Variants in DRC9 observed in about 807,000 individuals in gnomAD.
The protein encoded by DRC9 is dynein regulatory complex subunit 9.
the DRC9 span, chr3:197,951,326 C>T: frequency 2.1e-5 from 34 of 1,613,582 alleles, no homozygotes; most frequent in Admixed American, 1.3e-4. Context: ...GTTTATGACA[C>T]TGGTAGGTTT....
the DRC9 span, chr3:197,938,768 T>C: frequency 6.2e-7 from 1 of 1,607,862 alleles, no homozygotes; most frequent in South Asian, 1.1e-5. Context: ...TCTAGATTCA[T>C]TTCTCTGCTT....
At chr3:197,912,557 A>T in the DRC9 span, 1 of 752,904 alleles carries the variant, frequency 1.3e-6, no homozygotes, top group South Asian at 1.7e-5. Flanking sequence ...ACATGAGCTA[A>T]AGTTCATTAG....
the DRC9 span, among the ~76,000 whole-genome samples, chr3:197,893,145 G>A: frequency 6.6e-6 from 1 of 151,418 alleles, no homozygotes; most frequent in Non-Finnish European, 1.5e-5. Flanking sequence ...ATCACCTGTG[G>A]TCAGGAGTTC....
the DRC9 span, among the ~76,000 whole-genome samples, chr3:197,933,451 C>CA: frequency 2.6e-5 from 4 of 151,302 alleles, no homozygotes; most frequent in Non-Finnish European, 4.4e-5. Context: ...CAAAAAAACA[C>CA]AAAAAACAAA....
At chr3:197,931,471 G>C in the DRC9 span, among the ~76,000 whole-genome samples, 1 of 150,008 alleles carries the variant, frequency 6.7e-6, no homozygotes, top group South Asian at 2.1e-4. Flanking sequence ...GACAGAGCAA[G>C]ACTCCATCTC....
the DRC9 span, chr3:197,913,435 C>T: frequency 5.1e-5 from 14 of 275,594 alleles, no homozygotes; most frequent in Non-Finnish European, 9.1e-5. Flanking sequence ...TTCACCGTGA[C>T]TTCTCATCCT....
the DRC9 span, chr3:197,956,889 CT>C: frequency 6.6e-6 from 1 of 152,072 alleles, no homozygotes; most frequent in Non-Finnish European, 1.5e-5. Context: ...TGTCTGCCCC[CT>C]GAGGGTTACT....
At chr3:197,926,167 G>C in the DRC9 span, 2 of 892,470 alleles carry the variant, frequency 2.2e-6, no homozygotes. Context: ...CGTGCACAAG[G>C]ACCACCCCGC....
the DRC9 span, among the ~76,000 whole-genome samples, chr3:197,921,449 T>C: frequency 1.8e-4 from 2 of 11,150 alleles, no homozygotes; most frequent in Non-Finnish European, 2.9e-4. Context: ...TGGTTTCTTC[T>C]TGGTCGACCC....
the DRC9 span, among the ~76,000 whole-genome samples, chr3:197,915,163 CAAAAA>C: frequency 5.6e-5 from 4 of 71,364 alleles, no homozygotes; most frequent in Non-Finnish European, 6.0e-5. Flanking sequence ...GATTCTGTCT[CAAAAA>C]AAAAAAAAAA....
At chr3:197,951,146 T>C in the DRC9 span, 1 of 1,614,098 alleles carries the variant, frequency 6.2e-7, no homozygotes, top group Non-Finnish European at 8.5e-7. Flanking sequence ...GTTGTGTATC[T>C]TTTGTGTCTT....
At chr3:197,890,132 T>C in the DRC9 span, among the ~76,000 whole-genome samples, 3 of 152,164 alleles carry the variant, frequency 2.0e-5, no homozygotes, top group Non-Finnish European at 4.4e-5. Flanking sequence ...CGGTGGCTCA[T>C]GCCTGTAGTC....
At chr3:197,938,530 A>G in the DRC9 span, 10 of 1,580,910 alleles carry the variant, frequency 6.3e-6, no homozygotes, top group South Asian at 1.1e-5. Context: ...TTCACTGCCA[A>G]ATGTCTTCCT....
At chr3:197,943,755 A>C in the DRC9 span, 3 of 1,589,910 alleles carry the variant, frequency 1.9e-6, no homozygotes, top group Non-Finnish European at 2.6e-6. Context: ...AGCAAAATTA[A>C]CTCATGGTGA....
At chr3:197,956,775 A>C in the DRC9 span, 1 of 152,224 alleles carries the variant, frequency 6.6e-6, no homozygotes, top group South Asian at 2.1e-4. Context: ...GGCCACAGGC[A>C]TGTGCAGCCA....
At chr3:197,899,785 C>T in the DRC9 span, among the ~76,000 whole-genome samples, 4 of 152,008 alleles carry the variant, frequency 2.6e-5, no homozygotes, top group Non-Finnish European at 4.4e-5. Context: ...ACTATCTGTA[C>T]AAAAAAGCAC....
chr3:197,942,768 T>G, the DRC9 span, among the ~76,000 whole-genome samples: 1 of 151,404 alleles, frequency 6.6e-6, no homozygotes, highest in Non-Finnish European at 1.5e-5. Flanking sequence ...AAGTACAAAA[T>G]TAGCTGGGCG....
chr3:197,892,274 C>T, the DRC9 span, among the ~76,000 whole-genome samples: 4 of 152,206 alleles, frequency 2.6e-5, no homozygotes, highest in Non-Finnish European at 4.4e-5. Flanking sequence ...GAAATCATCA[C>T]TGACTCTCTC....
chr3:197,934,792 A>AC, the DRC9 span, among the ~76,000 whole-genome samples: 7 of 125,288 alleles, frequency 5.6e-5, no homozygotes, highest in South Asian at 3.0e-4. Context: ...ACATAGTGAG[A>AC]CCCCCTCCCC....
Sources: allele counts gnomAD v4.1 joint callset (sites outside exome capture counted in the v4.1 genomes callset), GRCh38; gene constraint gnomAD v4.1.1; transcripts MANE v1.5; gene names NCBI Gene and HGNC (gene_info 2026-07-23, HGNC 2026-07-21).